SORCS2: variants seen among roughly 807,000 people sequenced by gnomAD.
SORCS2 encodes the protein sortilin related VPS10 domain containing receptor 2, also known as VPS10 domain-containing receptor SorCS2.
SORCS2 carries 100 observed loss-of-function variants against 141.6 expected under a neutral mutation model. The observed-to-expected ratio is 0.71, with a 90% confidence interval of 0.60 to 0.83. The LOEUF (loss-of-function observed/expected upper bound fraction) is 0.83. Ranked by LOEUF, SORCS2 falls within the 40% of genes least tolerant of loss-of-function variation. The pLI, the probability that SORCS2 is intolerant of heterozygous loss-of-function variation, is 0.00. For missense variants in SORCS2, 1,646 were observed against 1,560.2 expected (o/e 1.05, Z -0.93); for synonymous variants, 789 against 676.9 (o/e 1.17, Z -2.57).
At chr4:7,243,201 A>G (rs949435634) in intron 1 of SORCS2, among the ~76,000 whole-genome samples, 58 of 152,302 alleles carry the variant, frequency 3.8e-4, no homozygotes, top group African/African-American at 1.3e-3. Flanking sequence ...TCTCGCCAGC[A>G]TTGAGATGCT....
At chr4:7,248,156 G>A (rs549346969) in intron 1 of SORCS2, among the ~76,000 whole-genome samples, 63 of 152,314 alleles carry the variant, frequency 4.1e-4, no homozygotes, top group Non-Finnish European at 7.1e-4. Flanking sequence ...CCCCCCTACC[G>A]AGGGAGGCTA....
intron 3 of SORCS2, among the ~76,000 whole-genome samples, chr4:7,620,060 C>T (rs946448388): frequency 3.4e-5 from 5 of 149,188 alleles, no homozygotes; most frequent in African/African-American, 1.2e-4. Context: ...CTTCCTCTTC[C>T]TCCTCTTCTT....
chr4:7,571,952 C>G (rs1002764944), intron 3 of SORCS2, among the ~76,000 whole-genome samples: 2 of 152,180 alleles, frequency 1.3e-5, no homozygotes, highest in African/African-American at 2.4e-5. Flanking sequence ...CGTGCCCTAC[C>G]AGCTGCCTGT....
chr4:7,252,740 G>A (rs539407339), intron 1 of SORCS2, among the ~76,000 whole-genome samples: 1 of 152,352 alleles, frequency 6.6e-6, no homozygotes, highest in South Asian at 2.1e-4. Flanking sequence ...CAGGACTGTT[G>A]CAGGCATGGA....
chr4:7,504,502 A>G (rs1244450304), intron 2 of SORCS2, among the ~76,000 whole-genome samples: 1 of 139,494 alleles, frequency 7.2e-6, no homozygotes, highest in Non-Finnish European at 1.6e-5. Context: ...TTTATGAGCT[A>G]GGAAACCAAA....
intron 11 of SORCS2, among the ~76,000 whole-genome samples, chr4:7,690,452 GA>G (rs1259046932): frequency 6.6e-6 from 1 of 151,632 alleles, no homozygotes; most frequent in Non-Finnish European, 1.5e-5. Flanking sequence ...ATGGATGGAT[GA>G]GTGGATGAAT....
intron 2 of SORCS2, among the ~76,000 whole-genome samples, chr4:7,426,078 T>C (rs1726413809): frequency 1.3e-5 from 2 of 152,178 alleles, no homozygotes; most frequent in African/African-American, 4.8e-5. Flanking sequence ...GTTTTCATTC[T>C]CCATCGCTTG....
rs148839052 is a variant in SORCS2, at chr4:7,265,699, G to A, written c.480+72573G>A. Among the ~76,000 whole-genome samples the A allele has an allele frequency of 3.2e-3, 481 of 152,278 alleles. 2 individuals carry two copies. Among genetic ancestry groups the A allele is most frequent in the South Asian group, 0.015 (73 of 4,822 alleles). ...GACATTCATCGCTGGCTTTAGGGCCGCCCAGTGTAATCCAGTGTGAGCTCA... is the reference window on the plus strand; with the variant it reads ...GACATTCATCGCTGGCTTTAGGGCCACCCAGTGTAATCCAGTGTGAGCTCA... On this transcript the variant is annotated intron_variant, in intron 1 of 26. Coordinates refer to ENST00000507866, the MANE Select transcript of SORCS2 (RefSeq NM_020777.3).
intron 11 of SORCS2, among the ~76,000 whole-genome samples, chr4:7,690,782 G>C (rs1008522748): frequency 6.6e-6 from 1 of 152,158 alleles, no homozygotes; most frequent in African/African-American, 2.4e-5. Flanking sequence ...CCTGAAGAAA[G>C]TTCTAGTTTA....
At chr4:7,612,584 C>G (rs1718478913) in intron 3 of SORCS2, among the ~76,000 whole-genome samples, 1 of 152,170 alleles carries the variant, frequency 6.6e-6, no homozygotes, top group Non-Finnish European at 1.5e-5. Flanking sequence ...CCCAGCCTGC[C>G]CTGCTCCCCT....
intron 1 of SORCS2, among the ~76,000 whole-genome samples, chr4:7,352,778 C>A (rs1356134244): frequency 6.6e-6 from 1 of 152,168 alleles, no homozygotes; most frequent in Non-Finnish European, 1.5e-5. Context: ...GGAGAGGCTG[C>A]ATGTCTTTAT....
intron 2 of SORCS2, among the ~76,000 whole-genome samples, chr4:7,510,879 T>G (rs932894405): frequency 1.3e-5 from 2 of 152,210 alleles, no homozygotes; most frequent in African/African-American, 4.8e-5. Context: ...ATTGGCCGCC[T>G]GACTTCACAC....
chr4:7,732,238 C>T (rs2148895662), intron 23 of SORCS2, among the ~76,000 whole-genome samples: 1 of 152,326 alleles, frequency 6.6e-6, no homozygotes, highest in East Asian at 1.9e-4. Flanking sequence ...ATTGAAGCCA[C>T]AGTGAGACAT....
At chr4:7,414,856 C>A (rs933382260) in intron 2 of SORCS2, among the ~76,000 whole-genome samples, 5 of 151,966 alleles carry the variant, frequency 3.3e-5, no homozygotes, top group African/African-American at 1.2e-4. Flanking sequence ...GGTGTTGGTA[C>A]CTTATCAGTT....
intron 1 of SORCS2, among the ~76,000 whole-genome samples, chr4:7,258,331 ATGTTCCCCTCTCTGTCCATGTGTTCTCAT>A (rs1714056238): frequency 6.6e-6 from 1 of 151,898 alleles, no homozygotes; most frequent in Non-Finnish European, 1.5e-5. Flanking sequence ...CCGGTGTGTG[ATGTTCCCCTCTCTGTCCATGTGTTCTCAT>A]TGTTCAGCTC....
intron 1 of SORCS2, among the ~76,000 whole-genome samples, chr4:7,255,769 A>T (rs1295448159): frequency 1.3e-5 from 2 of 152,046 alleles, no homozygotes; most frequent in Non-Finnish European, 2.9e-5. Context: ...AGGCCAGGGC[A>T]TGCCCTGGGC....
intron 11 of SORCS2, among the ~76,000 whole-genome samples, chr4:7,694,337 C>A (rs1724458284): frequency 6.6e-6 from 1 of 152,112 alleles, no homozygotes. Context: ...GTTTCCCATC[C>A]ATAAAATGAG....
chr4:7,366,005 G>A (rs904442645), intron 1 of SORCS2, among the ~76,000 whole-genome samples: 5 of 152,188 alleles, frequency 3.3e-5, no homozygotes, highest in Admixed American at 6.5e-5. Flanking sequence ...TGCAACAAGC[G>A]GGATCTCTGT....
At chr4:7,521,006 G>A (rs1733294236) in intron 2 of SORCS2, among the ~76,000 whole-genome samples, 1 of 152,230 alleles carries the variant, frequency 6.6e-6, no homozygotes, top group Non-Finnish European at 1.5e-5. Flanking sequence ...CCACTGCGTG[G>A]CCCAACACTG....
Sources: allele counts gnomAD v4.1 joint callset (sites outside exome capture counted in the v4.1 genomes callset), GRCh38; gene constraint gnomAD v4.1.1; transcripts MANE v1.5; gene names NCBI Gene and HGNC (gene_info 2026-07-23, HGNC 2026-07-21).